Variants in SLC10A7 observed in about 807,000 individuals in gnomAD.
SLC10A7 encodes solute carrier family 10 member 7, also known as sodium/bile acid cotransporter 7.
A neutral mutation model predicts 43.2 loss-of-function variants in SLC10A7; 29 were observed. The ratio of observed to expected loss-of-function variants is 0.67; its 90% CI spans 0.50 to 0.92. The LOEUF (loss-of-function observed/expected upper bound fraction) is 0.92. Among genes scored for constraint, SLC10A7 ranks in the 40% least tolerant of loss-of-function variants. The pLI is 0.00. For missense variants in SLC10A7, 295 were observed against 403.2 expected, an observed-to-expected ratio of 0.73 and a Z score of 2.30; for synonymous variants, 152 against 144.8, an observed-to-expected ratio of 1.05 and a Z score of -0.35.
chr4:146,362,626 T>C (rs953174695), intron 5 of SLC10A7, among the ~76,000 whole-genome samples: 3 of 151,268 alleles, frequency 2.0e-5, no homozygotes, highest in Non-Finnish European at 3.0e-5. Flanking sequence ...TTAAAAATAA[T>C]AGATTAAATC....
intron 5 of SLC10A7, among the ~76,000 whole-genome samples, chr4:146,383,673 C>G (rs182427203): frequency 6.3e-4 from 96 of 152,196 alleles, no homozygotes; most frequent in Middle Eastern, 3.4e-3. Flanking sequence ...GCCTGGACAC[C>G]TTCCACTGGT....
chr4:146,288,178 T>C (rs1336391718), intron 9 of SLC10A7, among the ~76,000 whole-genome samples: 1 of 152,124 alleles, frequency 6.6e-6, no homozygotes, highest in East Asian at 1.9e-4. Flanking sequence ...AGGGAACATT[T>C]AAGGTTAAAA....
chr4:146,349,786 G>T (rs115111877), intron 5 of SLC10A7, among the ~76,000 whole-genome samples: 1 of 152,094 alleles, frequency 6.6e-6, no homozygotes, highest in Non-Finnish European at 1.5e-5. Flanking sequence ...CCTAGATATT[G>T]GGTTCTCATG....
At position 146,517,099 on chromosome 4, in the gene SLC10A7, G is replaced by A; in HGVS notation, c.122C>T (p.Thr41Ile). The part of the protein sequence containing the change: ...VNGGPLKPEI[T>I]VSYIAVATIF... Reference sequence around the variant, plus strand: ...TGTTGCAACAGCAATGTAGGATACAGTTATTTCTGGCTTCAGTGGTCCTAA... The same window carrying A: ...TGTTGCAACAGCAATGTAGGATACAATTATTTCTGGCTTCAGTGGTCCTAA... The change falls in exon 2 of 12, where the codon ACT becomes ATT. Residue 41 changes from threonine (T) to isoleucine (I), a missense_variant. Thr to Ile is a moderately conservative substitution (Grantham distance 89). Coordinates refer to ENST00000335472, the MANE Select transcript of SLC10A7 (RefSeq NM_001029998.6). The A allele has an allele frequency of 1.2e-6, 2 of 1,609,036 alleles. No homozygotes were observed. Among genetic ancestry groups the A allele is most frequent in the Non-Finnish European group, 1.7e-6 (2 of 1,176,882 alleles).
At chr4:146,379,598 T>C (rs1381055546) in intron 5 of SLC10A7, among the ~76,000 whole-genome samples, 1 of 152,138 alleles carries the variant, frequency 6.6e-6, no homozygotes, top group African/African-American at 2.4e-5. Flanking sequence ...AAGTGAGAAA[T>C]AGTCTTCTCC....
chr4:146,276,431 T>C (rs990115031), intron 10 of SLC10A7, among the ~76,000 whole-genome samples: 12 of 152,190 alleles, frequency 7.9e-5, no homozygotes, highest in African/African-American at 2.7e-4. Context: ...AAGTAAACTT[T>C]ATGTAACTAG....
At chr4:146,506,034 T>C (rs1319102604) in intron 3 of SLC10A7, among the ~76,000 whole-genome samples, 3 of 152,308 alleles carry the variant, frequency 2.0e-5, no homozygotes, top group Middle Eastern at 6.8e-3. Context: ...CTCCGCCTTC[T>C]GTCTCCCCTA....
chr4:146,380,903 T>C (rs945093526), intron 5 of SLC10A7, among the ~76,000 whole-genome samples: 2 of 152,170 alleles, frequency 1.3e-5, no homozygotes, highest in African/African-American at 2.4e-5. Flanking sequence ...AATTTAGATA[T>C]AGATATACAC....
At position 146,500,943 on chromosome 4, in the gene SLC10A7, C is replaced by G. The variant is rs1237689845; in HGVS notation, c.396+2906G>C. On this transcript the variant is annotated intron_variant, in intron 4 of 11. Coordinates refer to ENST00000335472, the MANE Select transcript of SLC10A7 (RefSeq NM_001029998.6). Reference sequence around the variant, plus strand: ...CAACTTATATCAGCATTATTTTACACAGTGAACCAGACCCTCCTCTTCAAA... The same window carrying G: ...CAACTTATATCAGCATTATTTTACAGAGTGAACCAGACCCTCCTCTTCAAA... 2.0e-5 allele frequency among the ~76,000 whole-genome samples: 3 copies of G among 152,198 alleles called. No homozygotes were observed. The South Asian group carries it at 6.2e-4, about 32-fold the overall frequency.
chr4:146,422,519 C>T (rs1453791167), intron 5 of SLC10A7, among the ~76,000 whole-genome samples: 7 of 152,128 alleles, frequency 4.6e-5, no homozygotes, highest in African/African-American at 1.7e-4. Flanking sequence ...AAGAACATTA[C>T]TATAGTTTAA....
In SLC10A7 at chr4:146,503,833, T is replaced by C. The variant is rs1270146346; in HGVS notation, c.396+16A>G. On this transcript the variant is annotated intron_variant, in intron 4 of 11. Transcript: ENST00000335472. ...AGCATGCACTTATGTTTAAATAAGG[T>C]AGCCCCATGACTCACCTCATTTCCA... is the stretch of plus-strand genomic sequence containing the variant. 2 of 1,611,484 alleles carry C rather than the reference T, an allele frequency of 1.2e-6. No individual in the cohort carries two copies. The highest frequency in any genetic ancestry group is 1.7e-6 in the Non-Finnish European group (2 of 1,177,824).
chr4:146,422,187 A>G (rs1354371155), intron 5 of SLC10A7, among the ~76,000 whole-genome samples: 1 of 152,214 alleles, frequency 6.6e-6, no homozygotes, highest in African/African-American at 2.4e-5. Context: ...TGGAGAAATA[A>G]AACGCTCTAG....
In SLC10A7 at chr4:146,499,214, T is replaced by C. The variant is rs115846057; in HGVS notation, c.396+4635A>G. On this transcript the variant is annotated intron_variant, in intron 4 of 11. Coordinates refer to ENST00000335472, the MANE Select transcript of SLC10A7 (RefSeq NM_001029998.6). ...GTTTTCATACTTGTCATATACACCATCAAGAACATTTTGCAAGGACAATGC... is the reference window on the plus strand; with the variant it reads ...GTTTTCATACTTGTCATATACACCACCAAGAACATTTTGCAAGGACAATGC... Among the ~76,000 whole-genome samples the C allele has an allele frequency of 4.0e-3, 615 of 152,214 alleles. 4 individuals are homozygous for C. The highest frequency in any genetic ancestry group is 0.014 in the African/African-American group (577 of 41,518).
intron 6 of SLC10A7, among the ~76,000 whole-genome samples, chr4:146,321,049 G>GAGCTAATGGCCTTCATTAGCT (rs1732672913): frequency 6.6e-6 from 1 of 152,060 alleles, no homozygotes; most frequent in Non-Finnish European, 1.5e-5. Context: ...TAGCTCCTAT[G>GAGCTAATGGCCTTCATTAGCT]CCTGAATACC....
chr4:146,486,334 AAAT>A (rs1217117968), intron 4 of SLC10A7, among the ~76,000 whole-genome samples: 1 of 152,230 alleles, frequency 6.6e-6, no homozygotes, highest in Non-Finnish European at 1.5e-5. Context: ...AATGTTTTGA[AAAT>A]AATGTTTTGT....
intron 5 of SLC10A7, among the ~76,000 whole-genome samples, chr4:146,371,807 T>C (rs1254390331): frequency 6.6e-6 from 1 of 152,202 alleles, no homozygotes; most frequent in African/African-American, 2.4e-5. Flanking sequence ...GTATTATTGC[T>C]ACTATTGTCA....
chr4:146,256,779 G>T, intron 11 of SLC10A7: 1 of 1,387,314 alleles, frequency 7.2e-7, no homozygotes, highest in Non-Finnish European at 9.8e-7. Flanking sequence ...GTAGCCTTGG[G>T]TCTCAATCAG....
At chr4:146,280,440 T>C (rs1164519012) in intron 10 of SLC10A7, among the ~76,000 whole-genome samples, 1 of 152,178 alleles carries the variant, frequency 6.6e-6, no homozygotes, top group East Asian at 1.9e-4. Flanking sequence ...TGTGTGTGTA[T>C]GGGATCAAGC....
intron 5 of SLC10A7, among the ~76,000 whole-genome samples, chr4:146,359,168 G>A (rs1238144668): frequency 1.3e-5 from 2 of 151,994 alleles, no homozygotes; most frequent in African/African-American, 4.8e-5. Flanking sequence ...TGGAGATTTG[G>A]ATATTATCCA....
Sources: gnomAD v4.1 joint callset for allele counts (sites outside exome capture counted in the v4.1 genomes callset) on GRCh38, gnomAD v4.1.1 for gene constraint, MANE v1.5 for transcripts, NCBI Gene and HGNC (gene_info 2026-07-23, HGNC 2026-07-21) for gene names.